DOCK1: variants seen among roughly 807,000 people sequenced by gnomAD.
DOCK1 encodes the protein dedicator of cytokinesis protein 1.
Under a neutral mutation model 262.7 loss-of-function variants are expected in DOCK1, and 138 were observed. The observed-to-expected ratio is 0.53, with a 90% confidence interval of 0.46 to 0.61. DOCK1 has a LOEUF of 0.61. Ranked by LOEUF, DOCK1 falls within the 20% of genes least tolerant of loss-of-function variation. The pLI is 0.00. For missense variants in DOCK1, 1,908 were observed against 2,370.7 expected (o/e 0.80, Z 4.05); for synonymous variants, 866 against 867.4 (o/e 1.00, Z 0.03).
intron 29 of DOCK1, among the ~76,000 whole-genome samples, chr10:127,282,490 G>A (rs1208256679): frequency 1.3e-5 from 2 of 152,188 alleles, no homozygotes; most frequent in African/African-American, 4.8e-5. Context: ...CCTGCTTGGA[G>A]CAGGCTTGTT....
chr10:127,164,993 A>G lies in DOCK1; in HGVS notation c.2847+37229A>G, dbSNP rs145900659. Among the ~76,000 whole-genome samples, 1,113 of 152,334 alleles carry G rather than the reference A, an allele frequency of 7.3e-3. 14 individuals carry two copies. Among genetic ancestry groups the G allele is most frequent in the African/African-American group, 0.025 (1,053 of 41,570 alleles). ...CTGGAGGAGAGATAAAGCTTAAGCTATAATTTATTGAAAATTAATGAAAAT... is the reference window on the plus strand; with the variant it reads ...CTGGAGGAGAGATAAAGCTTAAGCTGTAATTTATTGAAAATTAATGAAAAT... On this transcript the variant is annotated intron_variant, in intron 27 of 51. Transcript: ENST00000623213.
intron 31 of DOCK1, among the ~76,000 whole-genome samples, chr10:127,345,048 TGTAGACTAGTAACA>T (rs1186852305): frequency 1.3e-5 from 2 of 152,224 alleles, no homozygotes; most frequent in African/African-American, 4.8e-5. Context: ...TGTACGGGTT[TGTAGACTAGTAACA>T]GTAGGCTATA....
rs1040538107 is a variant in DOCK1 at position 126,908,358 on chromosome 10, C to T, written c.46+2795C>T. On this transcript the variant is annotated intron_variant, in intron 1 of 51. Coordinates refer to ENST00000623213, the MANE Select transcript of DOCK1 (RefSeq NM_001290223.2). ...CATCCTTACCAACTCCAGCATTTTT[C>T]GGAGCTTAACAACAGGGCTGTGTTT... Among the ~76,000 whole-genome samples the T allele has an allele frequency of 1.1e-4, 16 of 152,284 alleles. No individual in the cohort carries two copies. In the East Asian group the frequency reaches 2.1e-3, roughly 20 times the overall value.
intron 48 of DOCK1, among the ~76,000 whole-genome samples, chr10:127,435,284 T>C (rs1478402931): frequency 6.6e-6 from 1 of 152,150 alleles, no homozygotes; most frequent in Non-Finnish European, 1.5e-5. Context: ...CCCATTTTGT[T>C]TACAATCCAT....
chr10:127,257,446 C>T lies in DOCK1; in HGVS notation c.3044+17C>T, dbSNP rs375466357. 9.0e-5 allele frequency: 142 copies of T among 1,580,628 alleles called. No individual in the cohort carries two copies. The highest frequency in any genetic ancestry group is 1.1e-4 in the Non-Finnish European group (131 of 1,160,478). ...GCAAAATAAGTAAGTGTGGGGAAAA[C>T]GGCTCTCACCTTTTCTATGGCTCCC... On this transcript the variant is annotated intron_variant, in intron 29 of 51. Transcript: ENST00000623213.
In DOCK1 at chr10:127,032,393, A is replaced by G. The variant is rs920285933; in HGVS notation, c.1912+73A>G. On this transcript the variant is annotated intron_variant, in intron 18 of 51. Coordinates refer to ENST00000623213, the MANE Select transcript of DOCK1 (RefSeq NM_001290223.2). Reference sequence around the variant, plus strand: ...TCCTGTCTTTTCCATGCTCCTTCCTATGTGGAGGTGTGCTCCGTAGGTGCA... The same window carrying G: ...TCCTGTCTTTTCCATGCTCCTTCCTGTGTGGAGGTGTGCTCCGTAGGTGCA... 2.2e-5 allele frequency: 31 copies of G among 1,434,372 alleles called. No homozygotes were observed. In the African/African-American group the frequency reaches 3.6e-4, roughly 17 times the overall value. 88.9% of individuals were successfully genotyped at this position (1,434,372 alleles called of 1,614,324 possible).
At chr10:127,415,756 C>G (rs1391380743) in intron 44 of DOCK1, among the ~76,000 whole-genome samples, 1 of 152,136 alleles carries the variant, frequency 6.6e-6, no homozygotes, top group African/African-American at 2.4e-5. Flanking sequence ...CTAAACTTTG[C>G]TTTGAGATGG....
At position 127,409,313 on chromosome 10, in the gene DOCK1, A is replaced by G. The variant is rs768831824; in HGVS notation, c.4265A>G (p.Tyr1422Cys). 1 of 1,613,904 alleles carries G rather than the reference A, an allele frequency of 6.2e-7. No individual in the cohort carries two copies. Among genetic ancestry groups the G allele is most frequent in the Non-Finnish European group, 8.5e-7 (1 of 1,179,858 alleles). The change falls in exon 42 of 52, where the codon TAT (tyrosine) becomes TGT (cysteine). Residue 1422 changes from tyrosine (Y) to cysteine (C), a missense_variant and splice_region_variant. By Grantham distance (194) the Tyr-to-Cys change is radical. Coordinates refer to ENST00000623213, the MANE Select transcript of DOCK1 (RefSeq NM_001290223.2). Reference protein sequence around the residue: ...GDDIKNSPGQYIQCFTVKPKL... With the variant: ...GDDIKNSPGQCIQCFTVKPKL... The stretch of plus-strand genomic sequence containing the variant: ...GTGATCCTTAACCCCCTCACCTCAG[A>G]TATTCAGTGCTTCACAGTGAAGCCC...
rs2275540 is a variant in DOCK1, at chr10:126,999,453, T to A, written c.849+18T>A. 9 of 1,605,876 alleles carry A rather than the reference T, an allele frequency of 5.6e-6. No individual in the cohort carries two copies. The African/African-American group carries it at 8.0e-5, about 14-fold the overall frequency. ...TGTTTACTGTAAGTGCACCCAAAGA[T>A]GCTTAGTTGAATTGGCTACCATTCT... On this transcript the variant is annotated intron_variant, in intron 9 of 51. Coordinates refer to ENST00000623213, the MANE Select transcript of DOCK1 (RefSeq NM_001290223.2).
chr10:127,041,540 G>T (rs1003997587), intron 19 of DOCK1, among the ~76,000 whole-genome samples: 1 of 152,128 alleles, frequency 6.6e-6, no homozygotes, highest in Admixed American at 6.5e-5. Flanking sequence ...AAGTTATTTT[G>T]TGAACATATG....
At chr10:126,922,956 C>T (rs2033351547) in intron 1 of DOCK1, among the ~76,000 whole-genome samples, 1 of 151,986 alleles carries the variant, frequency 6.6e-6, no homozygotes, top group Non-Finnish European at 1.5e-5. Flanking sequence ...ACTAAAAATA[C>T]AAATTAGCTG....
chr10:127,330,467 C>T (rs1202340214), intron 29 of DOCK1, among the ~76,000 whole-genome samples: 1 of 151,846 alleles, frequency 6.6e-6, no homozygotes, highest in Non-Finnish European at 1.5e-5. Context: ...AATTGGAACC[C>T]TTGTGTACTG....
intron 29 of DOCK1, among the ~76,000 whole-genome samples, chr10:127,286,535 G>C (rs796481123): frequency 6.6e-6 from 1 of 152,096 alleles, no homozygotes; most frequent in African/African-American, 2.4e-5. Flanking sequence ...CTACAGCTCT[G>C]TTTTAACCAT....
intron 29 of DOCK1, among the ~76,000 whole-genome samples, chr10:127,267,808 C>G (rs1437845733): frequency 1.3e-5 from 2 of 152,186 alleles, no homozygotes; most frequent in African/African-American, 4.8e-5. Flanking sequence ...CCGGTCCTCT[C>G]ATGCTAAGTT....
chr10:127,035,785 G>T (rs962696773), intron 18 of DOCK1, among the ~76,000 whole-genome samples: 7 of 151,972 alleles, frequency 4.6e-5, no homozygotes, highest in Admixed American at 4.6e-4. Flanking sequence ...TGAGGCGTGA[G>T]GTTCACATGA....
intron 2 of DOCK1, among the ~76,000 whole-genome samples, chr10:126,973,564 A>G (rs1028363390): frequency 2.0e-4 from 31 of 152,200 alleles, no homozygotes; most frequent in Non-Finnish European, 5.9e-5. Flanking sequence ...CTAGATTCTG[A>G]TGAAAATATT....
In DOCK1 at chr10:126,987,591, T is replaced by C; in HGVS notation, c.298T>C (p.Ser100Pro). Residue 100 changes from serine (S) to proline (P), a missense_variant, in exon 5 of 52, where the codon TCC (serine) becomes CCC (proline). By Grantham distance (74) the Ser-to-Pro change is moderately conservative (BLOSUM62 -1). Transcript: ENST00000623213. ...QEVTTTLREW[S>P]TIWRQLYVQD... ...AGTCACCACGACACTCCGAGAGTGG[T>C]CCACCATCTGGAGGCAGCTCTACGT... The C allele has an allele frequency of 6.4e-7, 1 of 1,569,868 alleles. No individual in the cohort carries two copies. The highest frequency in any genetic ancestry group is 1.9e-5 in the Admixed American group (1 of 53,562).
chr10:127,034,741 G>A (rs138748567), intron 18 of DOCK1, among the ~76,000 whole-genome samples: 112 of 152,258 alleles, frequency 7.4e-4, no homozygotes, highest in Non-Finnish European at 9.7e-4. Flanking sequence ...GTCATGTTCC[G>A]AAAGCATGCT....
At position 127,299,521 on chromosome 10, in the gene DOCK1, AAGG is replaced by A. The variant is rs143687764; in HGVS notation, c.3045-39482_3045-39480del. On this transcript the variant is annotated intron_variant, in intron 29 of 51. Transcript: ENST00000623213. ...GATCAGAGTGAAACATCTGCAAGTC[AAGG>A]AGATTGCCAGCAACACCAGAAACTA... Among the ~76,000 whole-genome samples the A allele has an allele frequency of 5.2e-3, 792 of 152,370 alleles. 6 individuals carry two copies. Among genetic ancestry groups the A allele is most frequent in the African/African-American group, 0.018 (760 of 41,586 alleles).
Sources: allele counts gnomAD v4.1 joint callset (sites outside exome capture counted in the v4.1 genomes callset), GRCh38; gene constraint gnomAD v4.1.1; transcripts MANE v1.5; gene names NCBI Gene and HGNC (gene_info 2026-07-23, HGNC 2026-07-21).